Variants in NIN observed in about 807,000 individuals in gnomAD.
NIN encodes the protein glycogen synthase kinase 3 beta-interacting protein.
A neutral mutation model predicts 257.6 loss-of-function variants in NIN; 137 were observed. That is an observed-to-expected ratio of 0.53 (90% confidence interval 0.46 to 0.61). The LOEUF is 0.61. NIN is among the 20% of genes least tolerant of loss of function. The probability of loss-of-function intolerance (pLI) is 0.00; values close to 1 mark genes in which losing one functional copy is unlikely to be tolerated. For missense variants in NIN, 2,439 were observed against 2,501.2 expected (o/e 0.98, Z 0.53); for synonymous variants, 918 against 919.8 (o/e 1.00, Z 0.04).
At chr14:50,804,831 G>A (rs1439176608) in intron 4 of NIN, among the ~76,000 whole-genome samples, 1 of 152,008 alleles carries the variant, frequency 6.6e-6, no homozygotes, top group Non-Finnish European at 1.5e-5. Flanking sequence ...ATGTCATAAT[G>A]TTTTAGTTTT....
intron 22 of NIN, among the ~76,000 whole-genome samples, chr14:50,746,088 T>A (rs2041525222): frequency 1.3e-5 from 2 of 151,774 alleles, no homozygotes; most frequent in South Asian, 4.2e-4. Flanking sequence ...CCCCATCATG[T>A]TGTTTTTCTC....
intron 29 of NIN, chr14:50,727,098 T>A (rs567816926): frequency 1.2e-4 from 38 of 314,018 alleles, no homozygotes; most frequent in Middle Eastern, 1.6e-3. Flanking sequence ...TAAAAAAAAA[T>A]AATAGCTTTT....
In NIN at chr14:50,722,399, C is replaced by CT. The variant is rs1425758109; in HGVS notation, c.*1063dup. ...AGGTTTTTAACCCTAAAATCAAGGC[C>CT]TTTTTTCCCCCAGAATATTAAATTT... On this transcript the variant is annotated 3_prime_UTR_variant, in exon 31 of 31. Transcript: ENST00000530997. 4.2e-5 allele frequency: 9 copies of CT among 212,536 alleles called. No homozygotes were observed. The highest frequency in any genetic ancestry group is 7.6e-5 in the Non-Finnish European group (8 of 104,884). The allele number at this position is 212,536 out of a possible 1,614,324, so 13.2% of individuals were successfully genotyped here.
At position 50,726,111 on chromosome 14, in the gene NIN, A is replaced by C. The variant is rs777946242; in HGVS notation, c.6079-45T>G. The C allele has an allele frequency of 4.1e-6, 6 of 1,448,946 alleles. No homozygotes were observed. The East Asian group carries it at 1.4e-4, about 33-fold the overall frequency. The allele number at this position is 1,448,946 out of a possible 1,614,324, so 89.8% of individuals were successfully genotyped here. ...ATTATTCGAAAATCATGTCACACTG[A>C]AAACACTGGTTTATTTTCCCCACAA... is the stretch of plus-strand genomic sequence containing the variant. On this transcript the variant is annotated intron_variant, in intron 29 of 30. Coordinates refer to ENST00000530997, the MANE Select transcript of NIN (RefSeq NM_020921.4).
chr14:50,746,274 A>G (rs1420484152), intron 22 of NIN, among the ~76,000 whole-genome samples: 2 of 152,216 alleles, frequency 1.3e-5, no homozygotes, highest in Admixed American at 6.5e-5. Flanking sequence ...TGGTAATAAC[A>G]GCCTTGGAAT....
At chr14:50,828,782 G>A (rs8010709) in intron 2 of NIN, among the ~76,000 whole-genome samples, 1 of 152,022 alleles carries the variant, frequency 6.6e-6, no homozygotes, top group Non-Finnish European at 1.5e-5. Flanking sequence ...TAAGAATACT[G>A]CCTATTACAT....
rs200772721 is a variant in NIN, at chr14:50,775,202, A to AT, written c.666+1746dup. On this transcript the variant is annotated intron_variant, in intron 7 of 30. Transcript: ENST00000530997. Reference sequence around the variant, plus strand: ...TTTGGAGTTTTAGAAAAATCTCCTGATTTTTTTTTTCAATGTAGCAAAAAG... The same window carrying AT: ...TTTGGAGTTTTAGAAAAATCTCCTGATTTTTTTTTTTCAATGTAGCAAAAAG... Among the ~76,000 whole-genome samples the AT allele has an allele frequency of 2.6e-4, 39 of 150,642 alleles. No individual in the cohort carries two copies. The South Asian group carries it at 5.9e-3, about 23-fold the overall frequency.
At chr14:50,799,516 C>T (rs974190985) in intron 4 of NIN, among the ~76,000 whole-genome samples, 4 of 152,194 alleles carry the variant, frequency 2.6e-5, no homozygotes, top group African/African-American at 9.7e-5. Flanking sequence ...TTATCCAGTT[C>T]GTCACCTCAG....
intron 28 of NIN, among the ~76,000 whole-genome samples, chr14:50,730,699 A>G (rs2040649693): frequency 6.6e-6 from 1 of 152,234 alleles, no homozygotes; most frequent in South Asian, 2.1e-4. Context: ...ATGGAGAATT[A>G]TCCCATAATT....
In NIN at chr14:50,770,938, G is replaced by C; in HGVS notation, c.1173C>G (p.Asp391Glu). 1.2e-6 allele frequency: 2 copies of C among 1,614,198 alleles called. No homozygotes were observed. The highest frequency in any genetic ancestry group is 1.7e-6 in the Non-Finnish European group (2 of 1,180,022). ...TTAAAGACTTGAGCTTCTCGGCCTT[G>C]TCCAGATCTGACCGTAGCTTCTCTT... ...REKEKLRSDL[D>E]KAEKLKSLMA... is the part of the protein sequence containing the mutation. The change falls in exon 11 of 31, where the codon GAC (aspartate) becomes GAG (glutamate). Residue 391 changes from aspartate (D) to glutamate (E), a missense_variant. Transcript: ENST00000530997.
chr14:50,763,260 G>T (rs898491535), intron 15 of NIN, among the ~76,000 whole-genome samples: 8 of 151,910 alleles, frequency 5.3e-5, no homozygotes, highest in African/African-American at 1.9e-4. Flanking sequence ...GGAGCTCATA[G>T]TTAATGCAGG....
Position 50,752,680 on chromosome 14 carries a change from A to G in NIN, c.4788T>C (p.Leu1596=), listed in dbSNP as rs199684809. The G allele has an allele frequency of 2.1e-3, 3,349 of 1,613,298 alleles. 91 individuals carry two copies. In the South Asian group the frequency reaches 0.034, roughly 16 times the overall value. The part of the protein sequence containing the change: ...NQQLDLENTE[L]SQKNSQNQEK... ...CCTGGTTTTGAGAGTTCTTTTGGCT[A>G]AGTTCTGTATTTTCCAAATCCAATT... The change falls in exon 21 of 31, where the codon CTT becomes CTC. Residue 1596 remains leucine, a synonymous_variant. Coordinates refer to ENST00000530997, the MANE Select transcript of NIN (RefSeq NM_020921.4).
At chr14:50,782,145 G>T (rs116403523) in intron 5 of NIN, among the ~76,000 whole-genome samples, 1,770 of 152,202 alleles carry the variant, frequency 0.012, 44 homozygotes, top group African/African-American at 0.041. Context: ...TACCATCAAG[G>T]TTATGATTTA....
chr14:50,730,814 TCTTTC>T, intron 28 of NIN: 1 of 797,442 alleles, frequency 1.3e-6, no homozygotes, highest in South Asian at 2.0e-5. Context: ...GAATACTGGC[TCTTTC>T]CTTAAGTACT....
chr14:50,822,209 T>C, intron 2 of NIN, 132 bp from the exon 3 acceptor site: 3 of 663,914 alleles, frequency 4.5e-6, no homozygotes, highest in Non-Finnish European at 7.8e-6. Context: ...CAGTTTCTGA[T>C]GCACCCCACA....
intron 9 of NIN, 200 bp downstream of exon 9, chr14:50,772,101 G>T: frequency 2.1e-6 from 1 of 486,808 alleles, no homozygotes. Context: ...AATAATCTGG[G>T]GGTTAAAAAC....
intron 22 of NIN, among the ~76,000 whole-genome samples, chr14:50,746,944 C>A (rs1168665634): frequency 2.0e-5 from 3 of 152,170 alleles, no homozygotes; most frequent in Non-Finnish European, 4.4e-5. Context: ...TCACTGGAGG[C>A]TTGACTTCCC....
intron 22 of NIN, 36 bp from the exon 23 acceptor site, chr14:50,744,401 T>C: frequency 6.2e-7 from 1 of 1,607,684 alleles, no homozygotes; most frequent in South Asian, 1.1e-5. Flanking sequence ...TCCCATCACA[T>C]CTCATGGCTG....
intron 9 of NIN, chr14:50,772,006 AAAAC>A (rs1366416929): frequency 9.5e-6 from 2 of 210,770 alleles, no homozygotes; most frequent in African/African-American, 2.8e-5. Flanking sequence ...CAAACAACAA[AAAAC>A]AAAAAAAAAA....
Sources: allele counts gnomAD v4.1 joint callset (sites outside exome capture counted in the v4.1 genomes callset), GRCh38; gene constraint gnomAD v4.1.1; transcripts MANE v1.5; gene names NCBI Gene and HGNC (gene_info 2026-07-23, HGNC 2026-07-21).